The following CNTNAP3 variants were observed in gnomAD, a reference collection of about 807,000 sequenced individuals.
The protein encoded by CNTNAP3 is contactin-associated protein-like 3.
In CNTNAP3, 36 loss-of-function variants were observed where a neutral mutation model predicts 92.1. That is an observed-to-expected ratio of 0.39 (90% confidence interval 0.30 to 0.52). The LOEUF (loss-of-function observed/expected upper bound fraction) is 0.52. CNTNAP3 is among the 20% of genes least tolerant of loss of function. The pLI is 0.76. For missense variants in CNTNAP3, 534 were observed against 1,069.6 expected (o/e 0.50, Z 6.98); for synonymous variants, 232 against 422.3 (o/e 0.55, Z 5.53).
intron 13 of CNTNAP3, among the ~76,000 whole-genome samples, chr9:39,123,018 T>TA (rs1021223393): frequency 2.7e-5 from 4 of 150,126 alleles, no homozygotes; most frequent in African/African-American, 9.8e-5. Flanking sequence ...GATACGTCAA[T>TA]AAAATTTTTC....
chr9:39,161,679 A>ATAATAATAC (rs1316564564), intron 9 of CNTNAP3, among the ~76,000 whole-genome samples: 1 of 138,440 alleles, frequency 7.2e-6, no homozygotes, highest in Non-Finnish European at 1.6e-5. Flanking sequence ...AATAATAATA[A>ATAATAATAC]TAATAATAAT....
chr9:39,111,214 AT>A (rs200747197), intron 14 of CNTNAP3, among the ~76,000 whole-genome samples: 3,718 of 152,212 alleles, frequency 0.024, 158 homozygotes, highest in African/African-American at 0.084. Flanking sequence ...ATTTTGAAAT[AT>A]CCAATAAATT....
chr9:39,124,632 C>A (rs2118004269), intron 13 of CNTNAP3, among the ~76,000 whole-genome samples: 1 of 152,088 alleles, frequency 6.6e-6, no homozygotes, highest in South Asian at 2.1e-4. Flanking sequence ...GGCTAATATC[C>A]AGAATCTACA....
rs1322662390 is a variant in CNTNAP3 at position 39,066,274 on chromosome 9, C to G, written c.*7616G>C. On this transcript the variant is annotated 3_prime_UTR_variant, in exon 24 of 24. Transcript: ENST00000297668. Reference sequence around the variant, plus strand: ...GAACCTTACAAACTAAACTATATTTCCATTTACTCTAGGTTATTGTTGTCA... The same window carrying G: ...GAACCTTACAAACTAAACTATATTTGCATTTACTCTAGGTTATTGTTGTCA... Among the ~76,000 whole-genome samples the G allele has an allele frequency of 5.3e-5, 8 of 152,072 alleles. No homozygotes were observed. Among genetic ancestry groups the G allele is most frequent in the Admixed American group, 5.2e-4 (8 of 15,260 alleles).
At chr9:39,104,070 G>T (rs1023134492) in intron 15 of CNTNAP3, among the ~76,000 whole-genome samples, 156 bp from the exon 16 acceptor site, 3 of 152,148 alleles carry the variant, frequency 2.0e-5, no homozygotes, top group African/African-American at 7.2e-5. Flanking sequence ...ATATACTGAT[G>T]ACATCAAGAG....
At chr9:39,087,189 T>A (rs976318014) in intron 19 of CNTNAP3, among the ~76,000 whole-genome samples, 1 of 152,232 alleles carries the variant, frequency 6.6e-6, no homozygotes, top group Non-Finnish European at 1.5e-5. Flanking sequence ...TTGATATTTA[T>A]GAAATGATGA....
intron 23 of CNTNAP3, among the ~76,000 whole-genome samples, chr9:39,077,460 G>A (rs1587693307): frequency 6.6e-6 from 1 of 152,146 alleles, no homozygotes; most frequent in Admixed American, 6.5e-5. Flanking sequence ...AGGAGGCTGC[G>A]GCAGGAGAAT....
intron 18 of CNTNAP3, among the ~76,000 whole-genome samples, chr9:39,097,322 G>A (rs1576783): frequency 0.23 from 34,888 of 151,566 alleles, 4,324 homozygotes; most frequent in East Asian, 0.38. Flanking sequence ...CCTCTTGGTT[G>A]AATGTGCCTC....
chr9:39,070,565 A>G lies in CNTNAP3; in HGVS notation c.*3325T>C, dbSNP rs1825615118. On this transcript the variant is annotated 3_prime_UTR_variant, in exon 24 of 24. Transcript: ENST00000297668. The stretch of plus-strand genomic sequence containing the variant: ...GGTGGGGCAGAGGTGGGGATAGGTT[A>G]ATGGGTACAAAAAAAGTAGAAAGAA... 6.6e-6 allele frequency among the ~76,000 whole-genome samples: 1 copy of G among 150,394 alleles called. No homozygotes were observed. Among genetic ancestry groups the G allele is most frequent in the African/African-American group, 2.5e-5 (1 of 40,660 alleles).
At chr9:39,146,597 G>A (rs1261071797) in intron 10 of CNTNAP3, among the ~76,000 whole-genome samples, 2 of 152,288 alleles carry the variant, frequency 1.3e-5, no homozygotes, top group East Asian at 1.9e-4. Context: ...GCTGAGGCAC[G>A]AGAATGGCAT....
chr9:39,095,442 T>C (rs924546514), intron 18 of CNTNAP3, among the ~76,000 whole-genome samples: 3 of 150,900 alleles, frequency 2.0e-5, no homozygotes, highest in African/African-American at 7.3e-5. Flanking sequence ...ATGATGTTAA[T>C]TGCAGGTTTT....
intron 11 of CNTNAP3, among the ~76,000 whole-genome samples, chr9:39,143,298 TG>T (rs1388916828): frequency 6.6e-6 from 1 of 151,972 alleles, no homozygotes; most frequent in Non-Finnish European, 1.5e-5. Context: ...TGAGGAAGGT[TG>T]GTTACAAGAG....
intron 23 of CNTNAP3, among the ~76,000 whole-genome samples, chr9:39,076,841 A>G (rs1374424995): frequency 1.3e-5 from 2 of 152,292 alleles, no homozygotes; most frequent in Non-Finnish European, 2.9e-5. Flanking sequence ...GGTGGTGGGC[A>G]CCTGTATCCC....
chr9:39,104,080 G>A (rs1440679318), intron 15 of CNTNAP3, among the ~76,000 whole-genome samples, 166 bp from the exon 16 acceptor site: 1 of 152,158 alleles, frequency 6.6e-6, no homozygotes, highest in African/African-American at 2.4e-5. Flanking sequence ...GACATCAAGA[G>A]CTAAATGGTG....
rs1237659012 is a variant in CNTNAP3 at position 39,103,954 on chromosome 9, A to G, written c.2366-40T>C. On this transcript the variant is annotated intron_variant, in intron 15 of 23. Transcript: ENST00000297668. ...GAAAACGACAAAAGGAAAAAAAGTC[A>G]TGAAACAAAAATAACAGCTACATTT... 12 of 1,511,156 alleles carry G rather than the reference A, an allele frequency of 7.9e-6. No homozygotes were observed. In the East Asian group the frequency reaches 1.4e-4, roughly 17 times the overall value. 93.6% of individuals were successfully genotyped at this position (1,511,156 alleles called of 1,614,324 possible).
At chr9:39,099,716 G>A in intron 18 of CNTNAP3, 195 bp downstream of exon 18, 1 of 754,252 alleles carries the variant, frequency 1.3e-6, no homozygotes. Flanking sequence ...GAAACCCAGA[G>A]AGGACTGATA....
At position 39,064,744 on chromosome 9, in the gene CNTNAP3, T is replaced by C. The variant is rs1408986790; in HGVS notation, c.*9146A>G. Among the ~76,000 whole-genome samples, 1 of 152,312 alleles carries C rather than the reference T, an allele frequency of 6.6e-6. No homozygotes were observed. Among genetic ancestry groups the C allele is most frequent in the Non-Finnish European group, 1.5e-5 (1 of 68,058 alleles). ...TAACATTTATTACATACATAGAACATATAAGAATTTATAGAGCAATGAAAA... is the reference window on the plus strand; with the variant it reads ...TAACATTTATTACATACATAGAACACATAAGAATTTATAGAGCAATGAAAA... On this transcript the variant is annotated 3_prime_UTR_variant, in exon 24 of 24. Transcript: ENST00000297668.
At chr9:39,078,638 A>C (rs201374106) in intron 22 of CNTNAP3, 52 bp downstream of exon 22, 2 of 1,548,894 alleles carry the variant, frequency 1.3e-6, no homozygotes, top group African/African-American at 1.4e-5. Flanking sequence ...GAAATTCACA[A>C]ACATTTGAGA....
At position 39,079,524 on chromosome 9, in the gene CNTNAP3, T is replaced by C. The variant is rs537503066; in HGVS notation, c.3443-604A>G. ...AATTTATCAGCTGTTGCCTGCTAGT[T>C]CTTGGCATGCCCCTTCATTTTCAAT... On this transcript the variant is annotated intron_variant, in intron 21 of 23. Transcript: ENST00000297668. 6.6e-4 allele frequency among the ~76,000 whole-genome samples: 100 copies of C among 152,172 alleles called. 2 individuals are homozygous for C. The highest frequency in any genetic ancestry group is 2.2e-3 in the Admixed American group (34 of 15,280).
Sources: allele counts gnomAD v4.1 joint callset (sites outside exome capture counted in the v4.1 genomes callset), GRCh38; gene constraint gnomAD v4.1.1; transcripts MANE v1.5; gene names NCBI Gene and HGNC (gene_info 2026-07-23, HGNC 2026-07-21).